The following AKAP13 variants were observed in gnomAD, a reference collection of about 807,000 sequenced individuals.
AKAP13 encodes the protein A-kinase anchoring protein 13.
A neutral mutation model predicts 264.5 loss-of-function variants in AKAP13; 80 were observed. That is an observed-to-expected ratio of 0.30 (90% confidence interval 0.25 to 0.36). The LOEUF is 0.36. Among genes scored for constraint, AKAP13 ranks in the 10% least tolerant of loss-of-function variants. AKAP13 has a pLI of 1.00. For missense variants in AKAP13, 3,712 were observed against 3,435.2 expected (o/e 1.08, Z -2.01); for synonymous variants, 1,380 against 1,250.2 (o/e 1.10, Z -2.19).
chr15:85,715,501 C>T (rs2086878775), intron 19 of AKAP13, among the ~76,000 whole-genome samples: 1 of 151,986 alleles, frequency 6.6e-6, no homozygotes, highest in Non-Finnish European at 1.5e-5. Flanking sequence ...ATAGTTATCA[C>T]CAAACTATCC....
chr15:85,635,200 A>G (rs902259408), intron 8 of AKAP13: 1 of 397,704 alleles, frequency 2.5e-6, no homozygotes, highest in Non-Finnish European at 4.4e-6. Flanking sequence ...ACTGTGTTCT[A>G]GTTGCTCCAC....
At chr15:85,394,771 T>G (rs527835489) in intron 1 of AKAP13, among the ~76,000 whole-genome samples, 1 of 152,276 alleles carries the variant, frequency 6.6e-6, no homozygotes, top group South Asian at 2.1e-4. Flanking sequence ...TTTGAGTTCT[T>G]TTGTTCTGTG....
At chr15:85,606,544 A>C (rs2080352639) in intron 8 of AKAP13, among the ~76,000 whole-genome samples, 1 of 152,234 alleles carries the variant, frequency 6.6e-6, no homozygotes, top group South Asian at 2.1e-4. Context: ...AGACTTGTAC[A>C]ACAGGCCCCT....
chr15:85,636,665 T>TG (rs1370450595), intron 8 of AKAP13, among the ~76,000 whole-genome samples: 1 of 151,812 alleles, frequency 6.6e-6, no homozygotes, highest in African/African-American at 2.4e-5. Context: ...TCCAGGCTGG[T>TG]GTTCAGTGGC....
intron 4 of AKAP13, among the ~76,000 whole-genome samples, chr15:85,540,266 G>A (rs906271177): frequency 6.6e-6 from 1 of 152,158 alleles, no homozygotes; most frequent in Non-Finnish European, 1.5e-5. Flanking sequence ...CAGGTGGAAT[G>A]GAATCCCTTC....
At chr15:85,659,916 TA>T (rs1157717429) in intron 12 of AKAP13, among the ~76,000 whole-genome samples, 5 of 152,338 alleles carry the variant, frequency 3.3e-5, no homozygotes, top group African/African-American at 9.6e-5. Flanking sequence ...AAAGAACTAC[TA>T]AATATTATCC....
chr15:85,408,262 A>G (rs1393634464), intron 1 of AKAP13, among the ~76,000 whole-genome samples: 2 of 151,910 alleles, frequency 1.3e-5, no homozygotes, highest in Non-Finnish European at 1.5e-5. Flanking sequence ...CATGCCAGTA[A>G]TTGATATTTT....
chr15:85,594,406 G>C (rs568260596), intron 8 of AKAP13, among the ~76,000 whole-genome samples: 141 of 152,288 alleles, frequency 9.3e-4, no homozygotes, highest in African/African-American at 3.3e-3. Flanking sequence ...ACATATAGGT[G>C]CTTGTGAAAA....
intron 9 of AKAP13, among the ~76,000 whole-genome samples, chr15:85,643,094 C>T (rs2082384987): frequency 6.6e-6 from 1 of 151,174 alleles, no homozygotes; most frequent in East Asian, 1.9e-4. Context: ...TGAACTAACA[C>T]ACTCCAAAAT....
chr15:85,547,435 A>T (rs1350409061), intron 5 of AKAP13, among the ~76,000 whole-genome samples: 1 of 152,224 alleles, frequency 6.6e-6, no homozygotes, highest in East Asian at 1.9e-4. Flanking sequence ...ACTTCTGCGA[A>T]AATTATGATT....
intron 1 of AKAP13, among the ~76,000 whole-genome samples, chr15:85,390,314 C>G (rs2070791862): frequency 6.6e-6 from 1 of 152,076 alleles, no homozygotes; most frequent in Admixed American, 6.6e-5. Context: ...GGAGGTCAGA[C>G]AAGGCCTTAC....
chr15:85,710,025 C>T (rs1439912775), intron 18 of AKAP13, among the ~76,000 whole-genome samples: 1 of 152,172 alleles, frequency 6.6e-6, no homozygotes, highest in Non-Finnish European at 1.5e-5. Flanking sequence ...CCTATTTCTT[C>T]TAATGATTTA....
chr15:85,389,083 T>C (rs1433155653), intron 1 of AKAP13, among the ~76,000 whole-genome samples: 3 of 152,328 alleles, frequency 2.0e-5, no homozygotes, highest in African/African-American at 4.8e-5. Context: ...GTGTGAACTT[T>C]GGAGATCATT....
intron 2 of AKAP13, among the ~76,000 whole-genome samples, chr15:85,512,568 A>G (rs1254608605): frequency 3.3e-5 from 5 of 152,116 alleles, no homozygotes; most frequent in Non-Finnish European, 7.4e-5. Flanking sequence ...AAGAATACAG[A>G]CTTAGGAATC....
At chr15:85,521,597 T>C in intron 3 of AKAP13, 22 bp downstream of exon 3, 1 of 1,610,852 alleles carries the variant, frequency 6.2e-7, no homozygotes, top group Non-Finnish European at 8.5e-7. Flanking sequence ...AATGGGATCC[T>C]TACTAGCTTT....
At chr15:85,730,427 T>A in intron 29 of AKAP13, 86 bp from the exon 30 acceptor site, 1 of 1,416,940 alleles carries the variant, frequency 7.1e-7, no homozygotes, top group Admixed American at 2.0e-5. Flanking sequence ...TTTCCATAAA[T>A]TACCACAAGG....
intron 2 of AKAP13, among the ~76,000 whole-genome samples, chr15:85,517,350 C>CTT (rs5814198): frequency 2.7e-5 from 4 of 150,052 alleles, no homozygotes; most frequent in African/African-American, 7.4e-5. Context: ...TCCCATCACA[C>CTT]TTTTTTTTTT....
intron 14 of AKAP13, chr15:85,670,906 T>C (rs1267650953): frequency 6.6e-6 from 1 of 152,320 alleles, no homozygotes; most frequent in East Asian, 1.9e-4. Flanking sequence ...CATACTTGGA[T>C]TGGATCAGTG....
intron 6 of AKAP13, chr15:85,578,017 T>G (rs1050800166): frequency 5.5e-6 from 1 of 180,550 alleles, no homozygotes; most frequent in Non-Finnish European, 1.1e-5. Flanking sequence ...CACAGTGGTG[T>G]AGGCCCTATA....
Sources: gnomAD v4.1 joint callset for allele counts (sites outside exome capture counted in the v4.1 genomes callset) on GRCh38, gnomAD v4.1.1 for gene constraint, MANE v1.5 for transcripts, NCBI Gene and HGNC (gene_info 2026-07-23, HGNC 2026-07-21) for gene names.